DMD: variants seen among roughly 807,000 people sequenced by gnomAD.
The protein encoded by DMD is mutant dystrophin.
Under a neutral mutation model 330.1 loss-of-function variants are expected in DMD, and 63 were observed. The ratio of observed to expected loss-of-function variants is 0.19; its 90% CI spans 0.16 to 0.24. The LOEUF (loss-of-function observed/expected upper bound fraction) is 0.24. Among genes scored for constraint, DMD ranks in the 10% least tolerant of loss-of-function variants. DMD has a pLI of 1.00. For missense variants in DMD, 3,344 were observed against 2,684.1 expected (o/e 1.25, Z -5.43); for synonymous variants, 1,223 against 959.8 (o/e 1.27, Z -5.07).
rs1317972308 is a variant in DMD at position 32,394,955 on chromosome X, T to A, written c.4234-4774A>T. On this transcript the variant is annotated intron_variant, in intron 30 of 78. Coordinates refer to ENST00000357033, the MANE Select transcript of DMD (RefSeq NM_004006.3). Reference sequence around the variant, plus strand: ...AAAAGAAAAGAAATCATCATCAGTATCCTCACCACCACAGATATTTGTGGG... The same window carrying A: ...AAAAGAAAAGAAATCATCATCAGTAACCTCACCACCACAGATATTTGTGGG... Among the ~76,000 whole-genome samples the A allele has an allele frequency of 4.7e-5, 3 of 63,355 alleles. 1 individual carries two copies. Among genetic ancestry groups the A allele is most frequent in the Non-Finnish European group, 9.8e-5 (3 of 30,555 alleles). The allele number at this position is 63,355 out of a possible 115,157, so 55.0% of individuals were successfully genotyped here. A position where few individuals can be genotyped will look rare whatever the true frequency, so the allele number is the denominator to read the frequency against.
chrX:31,404,544 T>C (rs184919227), intron 60 of DMD, among the ~76,000 whole-genome samples: 192 of 112,082 alleles, frequency 1.7e-3, no homozygotes, highest in African/African-American at 5.5e-3. Flanking sequence ...CTTGGAGAGA[T>C]TGCAGAAATC....
At chrX:32,803,382 C>T (rs756173200) in intron 7 of DMD, among the ~76,000 whole-genome samples, 1 of 108,972 alleles carries the variant, frequency 9.2e-6, no homozygotes, top group African/African-American at 3.4e-5. Context: ...GTCTGGCTAG[C>T]CATCTATTTT....
chrX:32,041,248 T>A (rs2095999752), intron 44 of DMD, among the ~76,000 whole-genome samples: 1 of 112,081 alleles, frequency 8.9e-6, no homozygotes, highest in Non-Finnish European at 1.9e-5. Context: ...ATATGTTCTA[T>A]TGAACATCTT....
intron 1 of DMD, among the ~76,000 whole-genome samples, chrX:33,054,955 G>T (rs1469793462): frequency 9.0e-6 from 1 of 111,655 alleles, no homozygotes; most frequent in Non-Finnish European, 1.9e-5. Flanking sequence ...ATAACTGATG[G>T]GCAGGGGGAT....
chrX:32,786,086 A>AGAGT (rs1557029350), intron 7 of DMD, among the ~76,000 whole-genome samples: 9 of 96,567 alleles, frequency 9.3e-5, no homozygotes, highest in African/African-American at 1.9e-4. Context: ...GAGGAATAAG[A>AGAGT]GTGTGTGTGT....
intron 62 of DMD, among the ~76,000 whole-genome samples, chrX:31,290,378 TG>T (rs1354811658): frequency 2.7e-5 from 3 of 111,717 alleles, no homozygotes; most frequent in Non-Finnish European, 5.6e-5. Flanking sequence ...AAGTACATAT[TG>T]ACTCCCTAAA....
chrX:32,311,793 T>G (rs1193642973), intron 41 of DMD, among the ~76,000 whole-genome samples: 1 of 111,788 alleles, frequency 8.9e-6, no homozygotes, highest in Non-Finnish European at 1.9e-5. Flanking sequence ...AAAAGAAAAA[T>G]AACTCAGCAG....
chrX:31,239,533 C>T (rs907556217), intron 63 of DMD, among the ~76,000 whole-genome samples: 1 of 111,118 alleles, frequency 9.0e-6, no homozygotes, highest in Non-Finnish European at 1.9e-5. Flanking sequence ...GTATCCCTTC[C>T]CTGAGCAAGC....
intron 7 of DMD, among the ~76,000 whole-genome samples, chrX:32,801,825 G>A (rs758655719): frequency 1.8e-5 from 2 of 111,393 alleles, no homozygotes; most frequent in South Asian, 3.8e-4. Context: ...TTGTAGATGT[G>A]TGGTGTTATT....
intron 27 of DMD, 145 bp downstream of exon 27, chrX:32,448,310 GC>G: frequency 1.8e-6 from 1 of 567,612 alleles, no homozygotes; most frequent in East Asian, 3.5e-5. Flanking sequence ...TAAGCAAATG[GC>G]CCAAAGTCAT....
At chrX:32,735,861 G>T (rs1385894539) in intron 7 of DMD, among the ~76,000 whole-genome samples, 1 of 111,663 alleles carries the variant, frequency 9.0e-6, no homozygotes, top group South Asian at 3.7e-4. Flanking sequence ...CATGGGCAAG[G>T]ACTTCATGTC....
intron 2 of DMD, among the ~76,000 whole-genome samples, chrX:33,006,156 G>A (rs934930380): frequency 9.0e-6 from 1 of 111,700 alleles, no homozygotes; most frequent in Non-Finnish European, 1.9e-5. Context: ...ATATTGTAAA[G>A]AAGTCAGTTC....
intron 44 of DMD, among the ~76,000 whole-genome samples, chrX:32,008,902 G>T (rs2095684231): frequency 9.0e-6 from 1 of 111,345 alleles, no homozygotes. Flanking sequence ...TGAAAAGTTT[G>T]CATGAACCCA....
intron 72 of DMD, 96 bp downstream of exon 72, chrX:31,173,443 G>GA: frequency 2.9e-6 from 3 of 1,026,501 alleles, no homozygotes; most frequent in Non-Finnish European, 2.7e-6. Context: ...CAAGTTTGGG[G>GA]AAAAAAAGAA....
intron 2 of DMD, among the ~76,000 whole-genome samples, chrX:32,977,613 T>C (rs937841834): frequency 7.2e-5 from 8 of 111,661 alleles, no homozygotes; most frequent in African/African-American, 2.6e-4. Context: ...TCCTTCCTTG[T>C]AGCAGCTTGC....
intron 43 of DMD, among the ~76,000 whole-genome samples, chrX:32,273,945 AAG>A (rs1427896150): frequency 8.9e-6 from 1 of 112,183 alleles, no homozygotes; most frequent in Non-Finnish European, 1.9e-5. Flanking sequence ...TGATAAAATA[AAG>A]AGAGTTTCTG....
In DMD at chrX:32,696,809, C is replaced by A. The variant is rs893214248; in HGVS notation, c.960+1061G>T. Among the ~76,000 whole-genome samples, 3 of 110,790 alleles carry A rather than the reference C, an allele frequency of 2.7e-5. No homozygotes were observed. The Admixed American group carries it at 2.9e-4, about 11-fold the overall frequency. ...TGGTGATAAATTGAGTCTAGAGAGT[C>A]GATGGAGAGTCAAGAGGTCCAGAAT... On this transcript the variant is annotated intron_variant, in intron 9 of 78. Transcript: ENST00000357033.
In DMD at chrX:32,720,822, A is replaced by C. The variant is rs754776106; in HGVS notation, c.650-21529T>G. 2.4e-3 allele frequency among the ~76,000 whole-genome samples: 263 copies of C among 111,429 alleles called. 1 individual carries two copies. The highest frequency in any genetic ancestry group is 3.9e-3 in the Non-Finnish European group (206 of 52,828). On this transcript the variant is annotated intron_variant, in intron 7 of 78. Transcript: ENST00000357033. Reference sequence around the variant, plus strand: ...AGGGTTAGCTGTATATCGAAACTCTAAATTTATTTATCCCACATAACTGCA... The same window carrying C: ...AGGGTTAGCTGTATATCGAAACTCTCAATTTATTTATCCCACATAACTGCA...
At chrX:32,889,086 G>T (rs2084942029) in intron 2 of DMD, among the ~76,000 whole-genome samples, 2 of 110,343 alleles carry the variant, frequency 1.8e-5, no homozygotes, top group African/African-American at 6.6e-5. Flanking sequence ...GAAGGTTGGG[G>T]GTATCCAGGT....
Sources: gnomAD v4.1 joint callset for allele counts (sites outside exome capture counted in the v4.1 genomes callset) on GRCh38, gnomAD v4.1.1 for gene constraint, MANE v1.5 for transcripts, NCBI Gene and HGNC (gene_info 2026-07-23, HGNC 2026-07-21) for gene names.